The following COG5 variants were observed in gnomAD, a reference collection of about 807,000 sequenced individuals.
The protein encoded by COG5 is component of oligomeric golgi complex 5, also known as conserved oligomeric Golgi complex subunit 5.
COG5 carries 86 observed loss-of-function variants against 110.4 expected under a neutral mutation model. The observed-to-expected ratio is 0.78, with a 90% confidence interval of 0.65 to 0.93. COG5 has a LOEUF of 0.93. Among genes scored for constraint, COG5 ranks in the 40% least tolerant of loss-of-function variants. The pLI is 0.00. For synonymous variants in COG5, 360 were observed against 334.6 expected (o/e 1.08, Z -0.83); for missense variants, 1,077 against 987.0 (o/e 1.09, Z -1.22).
chr7:107,215,373 A>G (rs1191084657), intron 19 of COG5, among the ~76,000 whole-genome samples: 1 of 152,230 alleles, frequency 6.6e-6, no homozygotes, highest in African/African-American at 2.4e-5. Flanking sequence ...TGTATAAAAA[A>G]TAAGACCCAG....
At chr7:107,490,113 T>G (rs1211748264) in intron 6 of COG5, among the ~76,000 whole-genome samples, 3 of 152,214 alleles carry the variant, frequency 2.0e-5, no homozygotes, top group Non-Finnish European at 4.4e-5. Flanking sequence ...AAGGAATGAT[T>G]ATGATTTCTC....
intron 8 of COG5, among the ~76,000 whole-genome samples, chr7:107,372,091 T>C (rs1814222941): frequency 6.6e-6 from 1 of 152,198 alleles, no homozygotes; most frequent in African/African-American, 2.4e-5. Context: ...GAATTTACCA[T>C]CCTTTAATAG....
chr7:107,375,413 T>TA (rs1814545333), intron 7 of COG5, among the ~76,000 whole-genome samples: 1 of 152,042 alleles, frequency 6.6e-6, no homozygotes, highest in East Asian at 1.9e-4. Flanking sequence ...TTAGTACACT[T>TA]AGAGTTTGTA....
chr7:107,304,994 G>C (rs991645002), intron 11 of COG5, among the ~76,000 whole-genome samples: 14 of 152,160 alleles, frequency 9.2e-5, no homozygotes, highest in South Asian at 2.1e-4. Context: ...CAATAAACAA[G>C]TCATTATGTA....
chr7:107,418,385 TTAAA>T (rs1280973872), intron 6 of COG5, among the ~76,000 whole-genome samples: 1 of 137,502 alleles, frequency 7.3e-6, no homozygotes, highest in Admixed American at 7.4e-5. Flanking sequence ...CAAACAACCA[TTAAA>T]TAACACCAAA....
chr7:107,516,434 G>A (rs964966822), intron 6 of COG5, among the ~76,000 whole-genome samples: 5 of 152,162 alleles, frequency 3.3e-5, no homozygotes, highest in African/African-American at 1.2e-4. Flanking sequence ...TCTCGTAACA[G>A]TATCATTTGA....
chr7:107,508,309 C>G (rs1233249591), intron 6 of COG5, among the ~76,000 whole-genome samples: 5 of 152,220 alleles, frequency 3.3e-5, no homozygotes, highest in Admixed American at 3.3e-4. Context: ...GATCAAACTG[C>G]AAGGCAGCAG....
At chr7:107,368,253 T>C (rs1044930081) in intron 8 of COG5, among the ~76,000 whole-genome samples, 1 of 152,176 alleles carries the variant, frequency 6.6e-6, no homozygotes, top group Non-Finnish European at 1.5e-5. Context: ...CATTAAGTCC[T>C]TGATGTCACA....
chr7:107,445,387 A>G (rs75260322), intron 6 of COG5, among the ~76,000 whole-genome samples: 1 of 152,194 alleles, frequency 6.6e-6, no homozygotes, highest in African/African-American at 2.4e-5. Flanking sequence ...AGATTCTTCA[A>G]CTAAACTATC....
chr7:107,336,258 G>A (rs1810689698), intron 10 of COG5, among the ~76,000 whole-genome samples: 1 of 152,170 alleles, frequency 6.6e-6, no homozygotes, highest in South Asian at 2.1e-4. Context: ...CAACATGGCT[G>A]AAACTGTATG....
chr7:107,557,565 T>C (rs1362744422), intron 2 of COG5, among the ~76,000 whole-genome samples: 1 of 152,234 alleles, frequency 6.6e-6, no homozygotes, highest in Non-Finnish European at 1.5e-5. Context: ...CACAATAACA[T>C]TTATCAACTT....
chr7:107,441,612 C>T (rs1360283698), intron 6 of COG5, among the ~76,000 whole-genome samples: 1 of 152,106 alleles, frequency 6.6e-6, no homozygotes, highest in Admixed American at 6.5e-5. Flanking sequence ...TCCAAATAGC[C>T]CAATAAAATC....
chr7:107,284,176 G>A (rs560219300), intron 12 of COG5, among the ~76,000 whole-genome samples: 3 of 152,116 alleles, frequency 2.0e-5, no homozygotes, highest in Non-Finnish European at 2.9e-5. Context: ...CACCCGCTTC[G>A]GCCTCACAAA....
chr7:107,266,072 A>C (rs1584595062), intron 14 of COG5, among the ~76,000 whole-genome samples: 1 of 151,928 alleles, frequency 6.6e-6, no homozygotes, highest in Non-Finnish European at 1.5e-5. Flanking sequence ...CAATAATAAT[A>C]ATAATACACA....
intron 8 of COG5, among the ~76,000 whole-genome samples, chr7:107,362,808 C>T (rs572399546): frequency 5.5e-4 from 80 of 146,064 alleles, no homozygotes; most frequent in African/African-American, 1.8e-3. Context: ...GTTGTATCCC[C>T]TTTCTTAAAA....
intron 7 of COG5, among the ~76,000 whole-genome samples, chr7:107,404,358 G>A (rs907879592): frequency 2.6e-5 from 4 of 152,068 alleles, no homozygotes; most frequent in Admixed American, 6.5e-5. Flanking sequence ...AACTAAGTGC[G>A]TAATCATTCA....
chr7:107,258,425 T>TTCTCTCTCTC lies in COG5; in HGVS notation c.1576-52_1576-43dup, dbSNP rs71134258. 6.9e-5 allele frequency: 61 copies of TTCTCTCTCTC among 886,516 alleles called. No individual in the cohort carries two copies. The African/African-American group carries it at 9.5e-4, about 14-fold the overall frequency. 54.9% of individuals were successfully genotyped at this position (886,516 alleles called of 1,614,324 possible). A position where few individuals can be genotyped will look rare whatever the true frequency, so the allele number is the denominator to read the frequency against. On this transcript the variant is annotated intron_variant, in intron 14 of 21. Transcript: ENST00000297135. ...TCAAAAGAATGTGTCAGAATGATAA[T>TTCTCTCTCTC]TCTCTCTCTCTCTCTCTCTCTCTCT...
At chr7:107,266,421 A>G (rs1451036229) in intron 14 of COG5, among the ~76,000 whole-genome samples, 1 of 152,144 alleles carries the variant, frequency 6.6e-6, no homozygotes, top group African/African-American at 2.4e-5. Flanking sequence ...GTGTTTGAGC[A>G]GTGTTTTTAT....
intron 17 of COG5, among the ~76,000 whole-genome samples, chr7:107,239,153 G>A (rs1212126702): frequency 6.6e-6 from 1 of 152,102 alleles, no homozygotes; most frequent in Admixed American, 6.5e-5. Flanking sequence ...TATGAGATAA[G>A]GGTCCAATTT....
Sources: gnomAD v4.1 joint callset for allele counts (sites outside exome capture counted in the v4.1 genomes callset) on GRCh38, gnomAD v4.1.1 for gene constraint, MANE v1.5 for transcripts, NCBI Gene and HGNC (gene_info 2026-07-23, HGNC 2026-07-21) for gene names.